Variants in NAV1 observed in about 807,000 individuals in gnomAD.
NAV1 encodes the protein neuron navigator 1.
NAV1 carries 18 observed loss-of-function variants against 175.2 expected under a neutral mutation model. That is an observed-to-expected ratio of 0.10 (90% CI 0.07 to 0.15). The LOEUF is 0.15. Among genes scored for constraint, NAV1 ranks in the 10% least tolerant of loss-of-function variants. The pLI, the probability that NAV1 is intolerant of heterozygous loss-of-function variation, is 1.00. For synonymous variants in NAV1, 897 were observed against 978.7 expected (o/e 0.92, Z 1.56); for missense variants, 1,731 against 2,436.6 (o/e 0.71, Z 6.10).
chr1:201,651,723 C>G (rs1324894956), intron 1 of NAV1, among the ~76,000 whole-genome samples: 1 of 152,068 alleles, frequency 6.6e-6, no homozygotes, highest in African/African-American at 2.4e-5. Flanking sequence ...CTGCCCAAGG[C>G]TATGTCTACT....
At chr1:201,572,879 G>A (rs1193584638) in intron 1 of NAV1, among the ~76,000 whole-genome samples, 1 of 152,018 alleles carries the variant, frequency 6.6e-6, no homozygotes, top group Non-Finnish European at 1.5e-5. Flanking sequence ...CTCTTCTTGG[G>A]AATTACTTTT....
At chr1:201,719,604 C>T (rs76756293) in intron 3 of NAV1, 3,698 of 152,460 alleles carry the variant, frequency 0.024, 106 homozygotes, top group East Asian at 0.11. Flanking sequence ...AAGTGCTGGG[C>T]GCTTAGGGGG....
At chr1:201,676,434 C>T (rs1470222826) in intron 1 of NAV1, among the ~76,000 whole-genome samples, 1 of 152,210 alleles carries the variant, frequency 6.6e-6, no homozygotes, top group Non-Finnish European at 1.5e-5. Flanking sequence ...GAGTCGGCTT[C>T]CTAGGCACAG....
At chr1:201,579,134 A>G (rs1236118136) in intron 1 of NAV1, among the ~76,000 whole-genome samples, 1 of 143,092 alleles carries the variant, frequency 7.0e-6, no homozygotes, top group African/African-American at 2.6e-5. Flanking sequence ...ACTCAGTCTC[A>G]AAAAAAAAAA....
intron 1 of NAV1, among the ~76,000 whole-genome samples, chr1:201,650,688 C>T (rs963444472): frequency 3.3e-5 from 5 of 152,188 alleles, no homozygotes; most frequent in African/African-American, 1.2e-4. Flanking sequence ...TAGGAACCCT[C>T]GACTCCTGTG....
intron 1 of NAV1, among the ~76,000 whole-genome samples, chr1:201,569,916 A>C (rs550532366): frequency 6.6e-6 from 1 of 152,300 alleles, no homozygotes; most frequent in South Asian, 2.1e-4. Context: ...TTTACTTCTC[A>C]GTTGCTGTTT....
intron 1 of NAV1, among the ~76,000 whole-genome samples, chr1:201,696,031 G>A (rs989584426): frequency 1.3e-5 from 2 of 152,226 alleles, no homozygotes; most frequent in Non-Finnish European, 2.9e-5. Flanking sequence ...CTGGGCATCG[G>A]AAGAAGCGGG....
chr1:201,785,997 T>G (rs1052125844), intron 8 of NAV1, among the ~76,000 whole-genome samples: 8 of 152,036 alleles, frequency 5.3e-5, no homozygotes, highest in African/African-American at 1.9e-4. Flanking sequence ...TTCACCATGT[T>G]GGCCAGGCTG....
intron 3 of NAV1, among the ~76,000 whole-genome samples, chr1:201,734,467 G>GAAGGAGAAGAA: frequency 2.3e-5 from 2 of 85,628 alleles, no homozygotes; most frequent in Non-Finnish European, 5.5e-5. Flanking sequence ...AGGAGGAGGA[G>GAAGGAGAAGAA]GAAGAGGAGG....
In NAV1 at chr1:201,580,419, G is replaced by T. The variant is rs547731509; in HGVS notation, c.-143-8120G>T. ...TAAAGACAAATAAAATTTTTTTTTG[G>T]TTCTCAAAGAGTTCAAAGCCTAGCA... On this transcript the variant is annotated intron_variant, in intron 1 of 33. Coordinates refer to the NAV1 transcript ENST00000685211. Among the ~76,000 whole-genome samples the T allele has an allele frequency of 2.6e-5, 4 of 152,038 alleles. No homozygotes were observed. The South Asian group carries it at 8.3e-4, about 32-fold the overall frequency.
chr1:201,669,912 C>T (rs1037905165), intron 1 of NAV1, among the ~76,000 whole-genome samples: 26 of 152,008 alleles, frequency 1.7e-4, no homozygotes, highest in African/African-American at 5.8e-4. Context: ...TTTCTGGTGA[C>T]ACCAGGATAA....
At chr1:201,657,627 C>T (rs1487569697) in intron 1 of NAV1, among the ~76,000 whole-genome samples, 1 of 152,226 alleles carries the variant, frequency 6.6e-6, no homozygotes, top group African/African-American at 2.4e-5. Context: ...AGAGTGGCTC[C>T]CTGCCGGGGA....
intron 3 of NAV1, among the ~76,000 whole-genome samples, chr1:201,754,269 G>A (rs1377477620): frequency 6.6e-6 from 1 of 152,170 alleles, no homozygotes; most frequent in Admixed American, 6.5e-5. Context: ...ATAGGTAGAA[G>A]AGGAACACCA....
At chr1:201,581,450 A>T (rs1353103764) in intron 1 of NAV1, among the ~76,000 whole-genome samples, 1 of 152,200 alleles carries the variant, frequency 6.6e-6, no homozygotes, top group Admixed American at 6.5e-5. Flanking sequence ...CCCAGTAAGG[A>T]TGTCAGGTGG....
chr1:201,678,689 A>C (rs77923500), intron 1 of NAV1, among the ~76,000 whole-genome samples: 289 of 152,262 alleles, frequency 1.9e-3, no homozygotes, highest in African/African-American at 6.6e-3. Flanking sequence ...TGCTTTCCAA[A>C]GTCCCAGGCT....
intron 3 of NAV1, among the ~76,000 whole-genome samples, chr1:201,744,198 T>A (rs899973929): frequency 3.9e-5 from 6 of 152,232 alleles, no homozygotes; most frequent in Middle Eastern, 3.2e-3. Flanking sequence ...ATGATTTTTT[T>A]AAAAAGCAAT....
intron 1 of NAV1, among the ~76,000 whole-genome samples, chr1:201,549,123 CT>C (rs554286271): frequency 1.3e-5 from 2 of 148,380 alleles, no homozygotes; most frequent in African/African-American, 4.9e-5. Context: ...TTCTTTCTTT[CT>C]TTCTTTCTTT....
At chr1:201,637,121 CT>C (rs1187986854) in intron 2 of NAV1, among the ~76,000 whole-genome samples, 2 of 152,148 alleles carry the variant, frequency 1.3e-5, no homozygotes, top group African/African-American at 4.8e-5. Flanking sequence ...ATTCAAAAAC[CT>C]AACAAAACTC....
intron 1 of NAV1, among the ~76,000 whole-genome samples, chr1:201,584,263 A>G (rs1396001704): frequency 6.6e-6 from 1 of 152,232 alleles, no homozygotes; most frequent in Non-Finnish European, 1.5e-5. Context: ...GCTCTTTTTC[A>G]TGATACCATG....
Sources: allele counts gnomAD v4.1 joint callset (sites outside exome capture counted in the v4.1 genomes callset), GRCh38; gene constraint gnomAD v4.1.1; transcripts MANE v1.5; gene names NCBI Gene and HGNC (gene_info 2026-07-23, HGNC 2026-07-21).